ADGRG2: variants seen among roughly 807,000 people sequenced by gnomAD.
ADGRG2 encodes the protein adhesion G protein-coupled receptor G2, also known as G protein-coupled receptor 64.
A neutral mutation model predicts 74.1 loss-of-function variants in ADGRG2; 26 were observed. The observed-to-expected ratio is 0.35, with a 90% CI of 0.26 to 0.49. ADGRG2 has a LOEUF of 0.49. ADGRG2 is among the 20% of genes least tolerant of loss of function. The pLI is 0.99. For missense variants in ADGRG2, 619 were observed against 763.1 expected (o/e 0.81, Z 2.22); for synonymous variants, 296 against 295.2 (o/e 1.00, Z -0.03).
chrX:19,073,529 G>A (rs2061687313), intron 2 of ADGRG2, among the ~76,000 whole-genome samples: 1 of 111,451 alleles, frequency 9.0e-6, no homozygotes, highest in Non-Finnish European at 1.9e-5. Context: ...ACTATATGCC[G>A]TGGTGCTTCC....
chrX:19,010,108 CTTGTTT>C lies in ADGRG2; in HGVS notation c.1266-332_1266-327del, dbSNP rs1159895405. Among the ~76,000 whole-genome samples, 7 of 107,020 alleles carry C rather than the reference CTTGTTT, an allele frequency of 6.5e-5. No homozygotes were observed. In the East Asian group the frequency reaches 1.2e-3, roughly 18 times the overall value. The allele number at this position is 107,020 out of a possible 115,157, so 92.9% of individuals were successfully genotyped here. ...ACAGGCGTGAGCCATCGCGCCCAGCCTTGTTTTTGTTTTTGTTTTTTTTTTTTTTTG... is the reference window on the plus strand; with the variant it reads ...ACAGGCGTGAGCCATCGCGCCCAGCCTTGTTTTTGTTTTTTTTTTTTTTTG... On this transcript the variant is annotated intron_variant, in intron 17 of 28. Transcript: ENST00000379869.
intron 15 of ADGRG2, 52 bp from the exon 16 acceptor site, chrX:19,014,126 G>A (rs111691730): frequency 2.0e-6 from 2 of 998,239 alleles, no homozygotes; most frequent in East Asian, 6.5e-5. Context: ...AGCTACAGAG[G>A]GGGCAAGTCT....
rs181721448 is a variant in ADGRG2, at chrX:19,005,988, C to T, written c.1839+14G>A. ...AGACTCAGAATTTAAGGCCACGTGG[C>T]ACAGGCATATTACCAGCAGAACGCC... On this transcript the variant is annotated intron_variant, in intron 22 of 28. Transcript: ENST00000379869. 89 of 1,104,806 alleles carry T rather than the reference C, an allele frequency of 8.1e-5. No homozygotes were observed. In the African/African-American group the frequency reaches 1.4e-3, roughly 17 times the overall value. The allele number at this position is 1,104,806 out of a possible 1,213,427, so 91.0% of individuals were successfully genotyped here. A position where few individuals can be genotyped will look rare whatever the true frequency, so the allele number is the denominator to read the frequency against.
At chrX:19,008,244 A>G in intron 18 of ADGRG2, 121 bp from the exon 19 acceptor site, 3 of 484,343 alleles carry the variant, frequency 6.2e-6, no homozygotes, top group Non-Finnish European at 3.3e-6. Flanking sequence ...TTAAAAAAAG[A>G]TAAAAACCAC....
rs765423973 is a variant in ADGRG2, at chrX:19,089,819, C to T, written c.-46-7073G>A. The stretch of plus-strand genomic sequence containing the variant: ...CAACAGATGCATGAGTGAGCCCAAC[C>T]GAGACCAGCAGAAGAACCATCTTGC... On this transcript the variant is annotated intron_variant, in intron 1 of 28. Coordinates refer to ENST00000379869, the MANE Select transcript of ADGRG2 (RefSeq NM_001079858.3). 9.0e-5 allele frequency among the ~76,000 whole-genome samples: 10 copies of T among 111,618 alleles called. No homozygotes were observed. The South Asian group carries it at 1.5e-3, about 17-fold the overall frequency.
chrX:19,098,801 A>T (rs1207132688), intron 1 of ADGRG2, among the ~76,000 whole-genome samples: 2 of 112,223 alleles, frequency 1.8e-5, no homozygotes, highest in African/African-American at 6.5e-5. Context: ...ACAGAAGATG[A>T]ATCCTCAATC....
intron 1 of ADGRG2, among the ~76,000 whole-genome samples, chrX:19,114,201 C>T (rs1400004310): frequency 9.1e-6 from 1 of 109,913 alleles, no homozygotes; most frequent in African/African-American, 3.3e-5. Context: ...TTCACAGTGG[C>T]ACTGGGGAAC....
chrX:19,057,712 TGCCTATAGTCCAA>T (rs1419550455), intron 3 of ADGRG2, among the ~76,000 whole-genome samples: 1 of 110,765 alleles, frequency 9.0e-6, no homozygotes, highest in East Asian at 2.8e-4. Context: ...TGGTGGTGCA[TGCCTATAGTCCAA>T]GCTACTTGGG....
At chrX:19,108,853 A>C (rs777970540) in intron 1 of ADGRG2, among the ~76,000 whole-genome samples, 5 of 111,479 alleles carry the variant, frequency 4.5e-5, no homozygotes, top group Non-Finnish European at 9.4e-5. Flanking sequence ...AAATTCATTG[A>C]GCTGTACATT....
In ADGRG2 at chrX:19,010,778, T is replaced by G. The variant is rs370533807; in HGVS notation, c.1100A>C (p.Asp367Ala). 25 of 1,184,117 alleles carry G rather than the reference T, an allele frequency of 2.1e-5. No individual in the cohort carries two copies. Among genetic ancestry groups the G allele is most frequent in the Non-Finnish European group, 2.7e-5 (24 of 877,456 alleles). ...NTTSAPPVQT[D>A]IVNTSSISDL... ...AGAAATACTGCTGGTGTTGACGATG[T>G]CTATATCAAAGAGCCAAATCGTGTT... is the stretch of plus-strand genomic sequence containing the variant. The change falls in exon 17 of 29, where the codon GAC becomes GCC. Residue 367 changes from aspartate to alanine, a missense_variant and splice_region_variant. Coordinates refer to ENST00000379869, the MANE Select transcript of ADGRG2 (RefSeq NM_001079858.3).
intron 1 of ADGRG2, among the ~76,000 whole-genome samples, chrX:19,098,803 T>A (rs1006285826): frequency 8.9e-6 from 1 of 111,940 alleles, no homozygotes; most frequent in Non-Finnish European, 1.9e-5. Context: ...AGAAGATGAA[T>A]CCTCAATCAC....
At chrX:19,003,161 C>T (rs762474796) in intron 23 of ADGRG2, 47 bp from the exon 24 acceptor site, 103 of 1,053,398 alleles carry the variant, frequency 9.8e-5, no homozygotes, top group Admixed American at 1.2e-4. Context: ...ACTCTGCCAA[C>T]CCTCCAACTT....
intron 4 of ADGRG2, among the ~76,000 whole-genome samples, chrX:19,038,841 T>C (rs1409932119): frequency 8.9e-6 from 1 of 111,739 alleles, no homozygotes; most frequent in East Asian, 2.8e-4. Context: ...ATCACCATGA[T>C]TCAGTTTGCT....
chrX:19,006,408 A>G, intron 20 of ADGRG2, 143 bp from the exon 21 acceptor site: 1 of 477,501 alleles, frequency 2.1e-6, no homozygotes, highest in Admixed American at 3.6e-5. Flanking sequence ...GAGAGTTCTT[A>G]TTTTATATGG....
intron 1 of ADGRG2, among the ~76,000 whole-genome samples, chrX:19,093,164 T>C (rs983199217): frequency 8.9e-6 from 1 of 112,091 alleles, no homozygotes; most frequent in African/African-American, 3.2e-5. Context: ...TGCTCAGGGT[T>C]TGGCCACACT....
At chrX:19,013,562 G>C (rs750315481) in intron 16 of ADGRG2, 124 bp downstream of exon 16, 1 of 569,520 alleles carries the variant, frequency 1.8e-6, no homozygotes, top group East Asian at 3.5e-5. Context: ...TAAGTCATTA[G>C]AACGTTAGAA....
At chrX:19,060,542 CTT>C (rs58196298) in intron 3 of ADGRG2, among the ~76,000 whole-genome samples, 94 of 86,997 alleles carry the variant, frequency 1.1e-3, no homozygotes, top group Middle Eastern at 0.012. Context: ...GGCAGGTATT[CTT>C]TTTTTTTTTT....
At chrX:19,003,234 A>C in intron 23 of ADGRG2, 120 bp from the exon 24 acceptor site, 1 of 501,198 alleles carries the variant, frequency 2.0e-6, no homozygotes, top group Non-Finnish European at 3.4e-6. Flanking sequence ...GCGTGATCTC[A>C]GGTCACTGCA....
At chrX:19,119,869 T>C (rs1344548624) in intron 1 of ADGRG2, among the ~76,000 whole-genome samples, 1 of 111,719 alleles carries the variant, frequency 9.0e-6, no homozygotes, top group Non-Finnish European at 1.9e-5. Context: ...GCCAATGAAA[T>C]GCCACTTATC....
Sources: gnomAD v4.1 joint callset for allele counts (sites outside exome capture counted in the v4.1 genomes callset) on GRCh38, gnomAD v4.1.1 for gene constraint, MANE v1.5 for transcripts, NCBI Gene and HGNC (gene_info 2026-07-23, HGNC 2026-07-21) for gene names.